Variants in NFIA observed in about 807,000 individuals in gnomAD.
The protein encoded by NFIA is nuclear factor 1 A-type.
Under a neutral mutation model 62.8 loss-of-function variants are expected in NFIA, and 8 were observed. That is an observed-to-expected ratio of 0.13 (90% CI 0.07 to 0.23). The LOEUF (loss-of-function observed/expected upper bound fraction) is 0.23. Ranked by LOEUF, NFIA falls within the 10% of genes least tolerant of loss-of-function variation. The pLI is 1.00. For synonymous variants in NFIA, 235 were observed against 238.1 expected (o/e 0.99, Z 0.12); for missense variants, 410 against 642.1 (o/e 0.64, Z 3.91).
In NFIA at chr1:61,170,808, C is replaced by G. The variant is rs1180240382; in HGVS notation, c.559+82128C>G. Among the ~76,000 whole-genome samples, 10 of 152,308 alleles carry G rather than the reference C, an allele frequency of 6.6e-5. No individual in the cohort carries two copies. In the South Asian group the frequency reaches 2.1e-3, roughly 32 times the overall value. On this transcript the variant is annotated intron_variant, in intron 2 of 10. Coordinates refer to ENST00000403491, the MANE Select transcript of NFIA (RefSeq NM_001134673.4). ...CTGGACACTTATCACAAAGCTGTGC[C>G]AACATCAGTGATGGTGCACCCACAA...
chr1:61,219,101 G>A (rs1020979277), intron 2 of NFIA, among the ~76,000 whole-genome samples: 7 of 151,730 alleles, frequency 4.6e-5, no homozygotes, highest in African/African-American at 1.2e-4. Flanking sequence ...GTGTAGTGGC[G>A]GGCACCTATA....
At chr1:61,226,992 TGCACA>T (rs1654373010) in intron 2 of NFIA, among the ~76,000 whole-genome samples, 1 of 152,198 alleles carries the variant, frequency 6.6e-6, no homozygotes, top group African/African-American at 2.4e-5. Flanking sequence ...TTATACAAAC[TGCACA>T]GCTACACTGA....
At chr1:61,358,098 AT>A (rs140966825) in intron 5 of NFIA, among the ~76,000 whole-genome samples, 2,062 of 152,278 alleles carry the variant, frequency 0.014, 51 homozygotes, top group African/African-American at 0.048. Flanking sequence ...CCCTGATGGA[AT>A]AAAACTTTGT....
At chr1:61,255,447 G>A (rs549311695) in intron 2 of NFIA, among the ~76,000 whole-genome samples, 1 of 152,252 alleles carries the variant, frequency 6.6e-6, no homozygotes, top group African/African-American at 2.4e-5. Flanking sequence ...TGCATTATGC[G>A]TTACTTTCTC....
intron 2 of NFIA, among the ~76,000 whole-genome samples, chr1:61,271,776 G>A (rs1657522465): frequency 6.6e-6 from 1 of 152,200 alleles, no homozygotes; most frequent in Non-Finnish European, 1.5e-5. Flanking sequence ...ATTAATTACT[G>A]CAGTTACCGT....
chr1:61,393,866 A>G (rs1029533442), intron 7 of NFIA, among the ~76,000 whole-genome samples: 2 of 152,234 alleles, frequency 1.3e-5, no homozygotes, highest in Non-Finnish European at 2.9e-5. Flanking sequence ...GCAGAGCACA[A>G]GAAAAACCCA....
At chr1:61,080,100 T>A (rs1044864561), upstream of NFIA, among the ~76,000 whole-genome samples, 4 of 152,140 alleles carry the variant, frequency 2.6e-5, no homozygotes, top group Non-Finnish European at 5.9e-5. Context: ...GTGCTGAACT[T>A]GGATCCAGCC....
intron 2 of NFIA, among the ~76,000 whole-genome samples, chr1:61,196,975 A>G (rs1224560725): frequency 6.7e-6 from 1 of 150,294 alleles, no homozygotes; most frequent in Non-Finnish European, 1.5e-5. Context: ...ATGCATATGT[A>G]TTTGTGTTTA....
chr1:61,349,551 A>T (rs1160881578), intron 4 of NFIA, among the ~76,000 whole-genome samples: 1 of 151,920 alleles, frequency 6.6e-6, no homozygotes, highest in Non-Finnish European at 1.5e-5. Flanking sequence ...AGAAGTCAGC[A>T]TGTCTTCTTT....
chr1:61,289,847 G>C (rs543776445), intron 3 of NFIA, among the ~76,000 whole-genome samples: 2 of 152,222 alleles, frequency 1.3e-5, no homozygotes, highest in East Asian at 3.9e-4. Flanking sequence ...TAACAGGACT[G>C]TTTCTGTGTG....
At chr1:61,168,746 A>C (rs1210190857) in intron 2 of NFIA, among the ~76,000 whole-genome samples, 1 of 152,242 alleles carries the variant, frequency 6.6e-6, no homozygotes, top group Admixed American at 6.5e-5. Context: ...TGAAAAATTA[A>C]GCCCTGGCTA....
At chr1:61,309,085 A>G (rs1020860808) in intron 3 of NFIA, among the ~76,000 whole-genome samples, 7 of 152,134 alleles carry the variant, frequency 4.6e-5, no homozygotes, top group African/African-American at 1.4e-4. Context: ...TGAATACTCT[A>G]TAGAGTTTTC....
chr1:61,094,702 C>T (rs1646381285), intron 2 of NFIA, among the ~76,000 whole-genome samples: 1 of 152,074 alleles, frequency 6.6e-6, no homozygotes, highest in South Asian at 2.1e-4. Context: ...CTTTTGGGTC[C>T]CTGAACTTAA....
At chr1:61,265,331 G>A (rs568297891) in intron 2 of NFIA, among the ~76,000 whole-genome samples, 1 of 152,290 alleles carries the variant, frequency 6.6e-6, no homozygotes, top group South Asian at 2.1e-4. Flanking sequence ...ATGTCAGGGA[G>A]AAAGCCATGG....
intron 9 of NFIA, among the ~76,000 whole-genome samples, chr1:61,410,606 A>G (rs1485816503): frequency 6.6e-6 from 1 of 152,186 alleles, no homozygotes; most frequent in Non-Finnish European, 1.5e-5. Flanking sequence ...ATACAATTCT[A>G]AAAATAAATA....
At chr1:61,398,521 G>A (rs979452577) in intron 7 of NFIA, among the ~76,000 whole-genome samples, 2 of 152,144 alleles carry the variant, frequency 1.3e-5, no homozygotes, top group Non-Finnish European at 2.9e-5. Flanking sequence ...TCTGGTAGCA[G>A]TAATACAAAA....
intron 2 of NFIA, among the ~76,000 whole-genome samples, chr1:61,245,446 A>G (rs1655580993): frequency 6.6e-6 from 1 of 152,150 alleles, no homozygotes; most frequent in African/African-American, 2.4e-5. Flanking sequence ...TCTTCAGGGG[A>G]AAAAATGTTA....
intron 1 of NFIA, among the ~76,000 whole-genome samples, chr1:61,085,418 A>G (rs1248511682): frequency 6.6e-6 from 1 of 152,168 alleles, no homozygotes; most frequent in Non-Finnish European, 1.5e-5. Context: ...ACCACTTTTG[A>G]AACAGGTTTT....
intron 2 of NFIA, among the ~76,000 whole-genome samples, chr1:61,124,403 A>G (rs1415367892): frequency 6.6e-6 from 1 of 152,202 alleles, no homozygotes; most frequent in Non-Finnish European, 1.5e-5. Flanking sequence ...TATATGAGAT[A>G]TGGGTGCACA....
Sources: gnomAD v4.1 joint callset for allele counts (sites outside exome capture counted in the v4.1 genomes callset) on GRCh38, gnomAD v4.1.1 for gene constraint, MANE v1.5 for transcripts, NCBI Gene and HGNC (gene_info 2026-07-23, HGNC 2026-07-21) for gene names.